Variants in PUS10 observed in about 807,000 individuals in gnomAD.
PUS10 encodes pseudouridine synthase 10.
In PUS10, 59 loss-of-function variants were observed where a neutral mutation model predicts 75.0. The ratio of observed to expected loss-of-function variants is 0.79; its 90% CI spans 0.64 to 0.98. The LOEUF (loss-of-function observed/expected upper bound fraction) is 0.98, where lower values mean the gene tolerates loss of function less well. PUS10 is among the 50% of genes least tolerant of loss of function. PUS10 has a pLI of 0.00. For synonymous variants in PUS10, 219 were observed against 211.6 expected (o/e 1.03, Z -0.30); for missense variants, 650 against 614.4 (o/e 1.06, Z -0.61).
chr2:60,994,543 T>C (rs1355291422), intron 4 of PUS10, among the ~76,000 whole-genome samples: 1 of 152,216 alleles, frequency 6.6e-6, no homozygotes, highest in Non-Finnish European at 1.5e-5. Flanking sequence ...GATGGGAAAG[T>C]GCTAAAATTG....
Position 60,953,126 on chromosome 2 carries a change from C to T in PUS10, c.1191-12G>A. On this transcript the variant is annotated splice_polypyrimidine_tract_variant and intron_variant, in intron 14 of 17. Coordinates refer to ENST00000316752, the MANE Select transcript of PUS10 (RefSeq NM_144709.4). ...GTCCTATTGCCTCTCTAAACAAAAA[C>T]AATTTTTAGAAGTTTGTCCAAATAA... is the stretch of plus-strand genomic sequence containing the variant. 1 of 1,415,368 alleles carries T rather than the reference C, an allele frequency of 7.1e-7. No individual in the cohort carries two copies. Among genetic ancestry groups the T allele is most frequent in the Non-Finnish European group, 9.9e-7 (1 of 1,013,854 alleles). The allele number at this position is 1,415,368 out of a possible 1,614,324, so 87.7% of individuals were successfully genotyped here.
intron 4 of PUS10, among the ~76,000 whole-genome samples, chr2:60,971,865 C>CTTTTTTTTTTTTTTT (rs756222357): frequency 1.0e-5 from 1 of 99,638 alleles, no homozygotes; most frequent in African/African-American, 4.3e-5. Context: ...TCTTTCTTCT[C>CTTTTTTTTTTTTTTT]TTTTTTTTTT....
At chr2:61,003,435 C>G (rs971716105) in intron 4 of PUS10, among the ~76,000 whole-genome samples, 3 of 148,612 alleles carry the variant, frequency 2.0e-5, no homozygotes, top group African/African-American at 7.5e-5. Context: ...GCACTCCAGC[C>G]TGGCTGACAG....
rs1674578639 is a variant in PUS10, at chr2:60,940,577, T to C, written c.*1818A>G. The C allele has an allele frequency of 6.6e-6, 1 of 152,324 alleles. No individual in the cohort carries two copies. The highest frequency in any genetic ancestry group is 1.5e-5 in the Non-Finnish European group (1 of 68,016). 9.4% of individuals were successfully genotyped at this position (152,324 alleles called of 1,614,324 possible). ...AGTATTTAAAGCTAATGCTTACTCT[T>C]TGCGTGAAATTTTATATAATCTCAG... On this transcript the variant is annotated 3_prime_UTR_variant, in exon 18 of 18. Transcript: ENST00000316752.
At chr2:60,989,292 C>T (rs1677925613) in intron 4 of PUS10, among the ~76,000 whole-genome samples, 1 of 152,186 alleles carries the variant, frequency 6.6e-6, no homozygotes, top group South Asian at 2.1e-4. Context: ...CCCTACCCCA[C>T]TCCATGCAGC....
chr2:60,967,616 G>A lies in PUS10; in HGVS notation c.504-3C>T. ...TTCCCAGCGACAGACTCTGCTTTCT[G>A]AATAACATAAAAATTAATTCACTGA... On this transcript the variant is annotated splice_region_variant and splice_polypyrimidine_tract_variant and intron_variant, in intron 5 of 17. Transcript: ENST00000316752. The A allele has an allele frequency of 1.3e-6, 2 of 1,572,592 alleles. No individual in the cohort carries two copies.
intron 4 of PUS10, among the ~76,000 whole-genome samples, chr2:60,991,347 CAT>C (rs1231270429): frequency 2.1e-5 from 3 of 144,396 alleles, no homozygotes; most frequent in African/African-American, 4.9e-5. Flanking sequence ...AATAATGTCA[CAT>C]GAGATTTAAA....
rs201699663 is a variant in PUS10 at position 61,006,572 on chromosome 2, T to G, written c.453A>C (p.Gln151His). 1 of 1,613,030 alleles carries G rather than the reference T, an allele frequency of 6.2e-7. No homozygotes were observed. The highest frequency in any genetic ancestry group is 2.2e-5 in the East Asian group (1 of 44,826). ...SLVFSVSFPP[Q>H]LSVREHAAWL... is the part of the protein sequence containing the mutation. ...ATGACCTTACCTCTCTTACAGATAGTTGTGGTGGGAAGGAGACTGAAAATA... is the reference window on the plus strand; with the variant it reads ...ATGACCTTACCTCTCTTACAGATAGGTGTGGTGGGAAGGAGACTGAAAATA... Residue 151 changes from glutamine to histidine, a missense_variant, in exon 4 of 18, where the codon CAA (glutamine) becomes CAC (histidine). Transcript: ENST00000316752.
chr2:60,990,381 A>C (rs1208465432), intron 4 of PUS10, among the ~76,000 whole-genome samples: 2 of 152,204 alleles, frequency 1.3e-5, no homozygotes, highest in Admixed American at 6.5e-5. Context: ...CAAAATTCAG[A>C]AGAAGGGAAC....
intron 11 of PUS10, among the ~76,000 whole-genome samples, chr2:60,955,292 G>A (rs188083148): frequency 7.2e-5 from 11 of 151,894 alleles, no homozygotes; most frequent in Admixed American, 6.6e-4. Flanking sequence ...CCAGGCATTG[G>A]ACTAAAAATG....
chr2:60,947,760 C>A (rs1399839247), intron 16 of PUS10, among the ~76,000 whole-genome samples: 3 of 138,500 alleles, frequency 2.2e-5, no homozygotes, highest in Non-Finnish European at 4.6e-5. Flanking sequence ...ACCCAGGAGG[C>A]GGAGCTTGCA....
At chr2:61,007,727 C>T (rs1181751109) in intron 3 of PUS10, among the ~76,000 whole-genome samples, 1 of 146,716 alleles carries the variant, frequency 6.8e-6, no homozygotes, top group Admixed American at 6.8e-5. Context: ...TGAGATCTCA[C>T]CACTGCACTC....
intron 4 of PUS10, among the ~76,000 whole-genome samples, chr2:61,002,466 C>T (rs182507796): frequency 6.6e-6 from 1 of 152,212 alleles, no homozygotes; most frequent in South Asian, 2.1e-4. Context: ...TTTTTTGAGA[C>T]AGGATCTTAC....
At chr2:60,962,484 G>C (rs1239542493) in intron 9 of PUS10, among the ~76,000 whole-genome samples, 1 of 152,122 alleles carries the variant, frequency 6.6e-6, no homozygotes, top group African/African-American at 2.4e-5. Flanking sequence ...TGAGGCAGGA[G>C]AATCACTAGA....
At chr2:60,963,950 T>C (rs756042289) in intron 8 of PUS10, among the ~76,000 whole-genome samples, 6 of 152,226 alleles carry the variant, frequency 3.9e-5, no homozygotes, top group Non-Finnish European at 8.8e-5. Flanking sequence ...TCAATGTAGA[T>C]ACATCTTACA....
At chr2:61,008,722 C>G in intron 3 of PUS10, 39 bp downstream of exon 3, 1 of 1,424,770 alleles carries the variant, frequency 7.0e-7, no homozygotes, top group Non-Finnish European at 9.5e-7. Context: ...CTGAAAATCT[C>G]TACATAATTG....
In PUS10 at chr2:60,940,788, GAAATTCTT is replaced by G. The variant is rs2104026591; in HGVS notation, c.*1599_*1606del. ...CCAGAAACTGAGGAACATCCACACA[GAAATTCTT>G]ACCTTTTTATCAAAAGTTTGTTATC... On this transcript the variant is annotated 3_prime_UTR_variant, in exon 18 of 18. Coordinates refer to ENST00000316752, the MANE Select transcript of PUS10 (RefSeq NM_144709.4). 1 of 152,372 alleles carries G rather than the reference GAAATTCTT, an allele frequency of 6.6e-6. No individual in the cohort carries two copies. The highest frequency in any genetic ancestry group is 1.9e-4 in the East Asian group (1 of 5,320). The allele number at this position is 152,372 out of a possible 1,614,324, so 9.4% of individuals were successfully genotyped here. A position where few individuals can be genotyped will look rare whatever the true frequency, so the allele number is the denominator to read the frequency against.
intron 4 of PUS10, among the ~76,000 whole-genome samples, chr2:60,977,481 G>A (rs1216062085): frequency 1.3e-5 from 2 of 152,138 alleles, no homozygotes; most frequent in East Asian, 1.9e-4. Context: ...GCCAAGACTC[G>A]CGGCAGCACA....
chr2:61,015,467 A>T (rs1336501536), intron 1 of PUS10, among the ~76,000 whole-genome samples: 2 of 152,140 alleles, frequency 1.3e-5, no homozygotes. Flanking sequence ...TGGGAGGCTG[A>T]GGCAGGAGGA....
Sources: allele counts gnomAD v4.1 joint callset (sites outside exome capture counted in the v4.1 genomes callset), GRCh38; gene constraint gnomAD v4.1.1; transcripts MANE v1.5; gene names NCBI Gene and HGNC (gene_info 2026-07-23, HGNC 2026-07-21).